COL18A1: variants seen among roughly 807,000 people sequenced by gnomAD.
COL18A1 encodes the protein collagen type XVIII alpha 1 chain.
In COL18A1, 133 loss-of-function variants were observed where a neutral mutation model predicts 168.0. The observed-to-expected ratio is 0.79, with a 90% CI of 0.69 to 0.91. COL18A1 has a LOEUF of 0.91. COL18A1 is among the 40% of genes least tolerant of loss of function. The probability of loss-of-function intolerance (pLI) is 0.00; values close to 1 mark genes in which losing one functional copy is unlikely to be tolerated. For missense variants in COL18A1, 2,126 were observed against 1,925.4 expected (o/e 1.10, Z -1.95); for synonymous variants, 949 against 809.0 (o/e 1.17, Z -2.94).
chr21:45,490,835 G>A lies in COL18A1; in HGVS notation c.2032-1G>A, dbSNP rs2036311953. The A allele has an allele frequency of 3.2e-6, 5 of 1,550,064 alleles. No homozygotes were observed. The highest frequency in any genetic ancestry group is 3.9e-5 in the Admixed American group (2 of 50,976). On this transcript the variant is annotated splice_acceptor_variant, in intron 20 of 41. Coordinates refer to ENST00000651438, the MANE Select transcript of COL18A1 (RefSeq NM_001379500.1). LOFTEE classifies it high-confidence loss of function. ...GAACCATTTCCTTCCTGTCTCTCCA[G>A]GGGCCAAAGGGAGACAGAGGCAGCC...
chr21:45,482,088 G>A lies in COL18A1; in HGVS notation c.1674+63G>A, dbSNP rs559968758. On this transcript the variant is annotated intron_variant, in intron 14 of 41. Coordinates refer to ENST00000651438, the MANE Select transcript of COL18A1 (RefSeq NM_001379500.1). ...GCACCACACCATGTGGCCCGGGTCCGGGGGTGCCTGGTGACGCCCGTGAAG... is the reference window on the plus strand; with the variant it reads ...GCACCACACCATGTGGCCCGGGTCCAGGGGTGCCTGGTGACGCCCGTGAAG... 18 of 1,345,194 alleles carry A rather than the reference G, an allele frequency of 1.3e-5. 1 individual carries two copies. In the African/African-American group the frequency reaches 1.4e-4, roughly 11 times the overall value. The allele number at this position is 1,345,194 out of a possible 1,614,324, so 83.3% of individuals were successfully genotyped here. A position where few individuals can be genotyped will look rare whatever the true frequency, so the allele number is the denominator to read the frequency against.
chr21:45,459,316 C>T (rs9974623), intron 2 of COL18A1, among the ~76,000 whole-genome samples: 13,170 of 151,980 alleles, frequency 0.087, 708 homozygotes, highest in East Asian at 0.21. Flanking sequence ...CCCAGCCTGA[C>T]CCCTCGGGCA....
intron 2 of COL18A1, among the ~76,000 whole-genome samples, chr21:45,442,351 G>A (rs191227835): frequency 1.3e-5 from 2 of 152,314 alleles, no homozygotes; most frequent in South Asian, 2.1e-4. Flanking sequence ...GGCACACGTC[G>A]TGTCTGTGGG....
chr21:45,452,878 G>A (rs931939197), intron 2 of COL18A1, among the ~76,000 whole-genome samples: 11 of 151,408 alleles, frequency 7.3e-5, no homozygotes, highest in Non-Finnish European at 1.5e-4. Context: ...ATGCATGTGA[G>A]TATTCACATG....
chr21:45,504,306 C>A, intron 33 of COL18A1, 110 bp from the exon 34 acceptor site: 1 of 1,133,740 alleles, frequency 8.8e-7, no homozygotes. Context: ...AGCTCCCAGG[C>A]CTGGGCTCCG....
chr21:45,491,270 C>G lies in COL18A1; in HGVS notation c.2113C>G (p.Pro705Ala), dbSNP rs765760874. The G allele has an allele frequency of 3.7e-6, 6 of 1,612,222 alleles. No individual in the cohort carries two copies. In the East Asian group the frequency reaches 6.7e-5, roughly 18 times the overall value. The change falls in exon 22 of 42, where the codon CCC becomes GCC. Residue 705 changes from proline (P) to alanine (A), a missense_variant. Pro to Ala is a conservative substitution (Grantham distance 27, BLOSUM62 -1). Transcript: ENST00000651438. ...AGTCGGGCAGCCGGGCCTCCCTGGC[C>G]CCCCCGGACCCCCGGGACCTGTGGT... ...DGVGQPGLPG[P>A]PGPPGPVVYV...
At chr21:45,479,385 C>T (rs2035805287) in intron 9 of COL18A1, among the ~76,000 whole-genome samples, 1 of 151,286 alleles carries the variant, frequency 6.6e-6, no homozygotes, top group African/African-American at 2.4e-5. Flanking sequence ...CAGGTGGACG[C>T]ATGCACACAT....
intron 37 of COL18A1, chr21:45,506,291 G>A (rs931261467): frequency 3.2e-5 from 12 of 380,442 alleles, no homozygotes; most frequent in South Asian, 8.6e-5. Flanking sequence ...CTGACGGGAC[G>A]AGGCGGCAGG....
Position 45,509,480 on chromosome 21 carries a change from C to A in COL18A1, c.3374C>A (p.Pro1125His). 6.5e-7 allele frequency: 1 copy of A among 1,528,044 alleles called. No homozygotes were observed. Among genetic ancestry groups the A allele is most frequent in the South Asian group, 1.2e-5 (1 of 84,480 alleles). 94.7% of individuals were successfully genotyped at this position (1,528,044 alleles called of 1,614,324 possible). A position where few individuals can be genotyped will look rare whatever the true frequency, so the allele number is the denominator to read the frequency against. ...CGGGCAGATGACATCCTGGCCAGCCCCCCTCGCCTGCCCGAGCCCCAGCCC... is the reference window on the plus strand; with the variant it reads ...CGGGCAGATGACATCCTGGCCAGCCACCCTCGCCTGCCCGAGCCCCAGCCC... ...PWRADDILAS[P>H]PRLPEPQPYP... Residue 1125 changes from proline to histidine, a missense_variant, in exon 39 of 42, where the codon CCC (proline) becomes CAC (histidine). Pro to His is a moderately conservative substitution (Grantham distance 77, BLOSUM62 -2). Coordinates refer to ENST00000651438, the MANE Select transcript of COL18A1 (RefSeq NM_001379500.1).
At chr21:45,489,233 G>A (rs952810409) in intron 18 of COL18A1, among the ~76,000 whole-genome samples, 1 of 152,208 alleles carries the variant, frequency 6.6e-6, no homozygotes, top group African/African-American at 2.4e-5. Flanking sequence ...GGTTCCTCTT[G>A]CAGTCTGCAG....
At chr21:45,485,622 A>G (rs906384663) in intron 15 of COL18A1, among the ~76,000 whole-genome samples, 4 of 152,262 alleles carry the variant, frequency 2.6e-5, no homozygotes, top group African/African-American at 4.8e-5. Flanking sequence ...TGGGTGGTAC[A>G]TGGTGCCCAC....
chr21:45,412,208 A>G (rs933339660), intron 2 of COL18A1, among the ~76,000 whole-genome samples: 2 of 146,190 alleles, frequency 1.4e-5, no homozygotes, highest in East Asian at 2.0e-4. Flanking sequence ...AACTGGGGGT[A>G]TGATATTTCT....
intron 2 of COL18A1, chr21:45,407,378 A>G (rs1339829073): frequency 6.6e-6 from 1 of 152,210 alleles, no homozygotes; most frequent in Non-Finnish European, 1.5e-5. Context: ...GATCCCTAGA[A>G]AAGTCTTTTG....
chr21:45,477,744 TC>T lies in COL18A1; in HGVS notation c.1006-3del. On this transcript the variant is annotated splice_region_variant and splice_polypyrimidine_tract_variant and intron_variant, in intron 7 of 41. Coordinates refer to ENST00000651438, the MANE Select transcript of COL18A1 (RefSeq NM_001379500.1). ...AGCCCGAGCCCTGTGTTCTGTTTAT[TC>T]CCAGGGCGGCCTGAAGGGGCAGAAA... The T allele has an allele frequency of 6.5e-7, 1 of 1,534,962 alleles. No individual in the cohort carries two copies. Among genetic ancestry groups the T allele is most frequent in the Non-Finnish European group, 8.8e-7 (1 of 1,141,224 alleles).
At chr21:45,493,750 G>A (rs2036439978) in intron 26 of COL18A1, 175 bp downstream of exon 26, 4 of 610,268 alleles carry the variant, frequency 6.6e-6, no homozygotes, top group African/African-American at 5.6e-5. Flanking sequence ...CATGTCGGCG[G>A]TTCCGCCGGC....
intron 32 of COL18A1, chr21:45,497,886 C>T: frequency 1.6e-6 from 1 of 625,426 alleles, no homozygotes; most frequent in East Asian, 2.7e-5. Flanking sequence ...AAGATAGCCC[C>T]ATCACCTCCT....
At chr21:45,506,695 G>C (rs1389589063) in intron 37 of COL18A1, 1 of 167,544 alleles carries the variant, frequency 6.0e-6, no homozygotes, top group African/African-American at 2.4e-5. Context: ...CACTGACACA[G>C]CCCTGACTCC....
chr21:45,429,990 G>C (rs1190374144), intron 2 of COL18A1, among the ~76,000 whole-genome samples: 1 of 150,632 alleles, frequency 6.6e-6, no homozygotes, highest in Non-Finnish European at 1.5e-5. Context: ...TGCATGTGCT[G>C]TGTCTGTGAA....
chr21:45,450,683 G>A (rs1233054408), intron 2 of COL18A1, among the ~76,000 whole-genome samples: 1 of 152,220 alleles, frequency 6.6e-6, no homozygotes, highest in Non-Finnish European at 1.5e-5. Context: ...AAGACCAGAT[G>A]GGGTGCAGGG....
Sources: gnomAD v4.1 joint callset for allele counts (sites outside exome capture counted in the v4.1 genomes callset) on GRCh38, gnomAD v4.1.1 for gene constraint, MANE v1.5 for transcripts, NCBI Gene and HGNC (gene_info 2026-07-23, HGNC 2026-07-21) for gene names.